The following RIF1 variants were observed in gnomAD, a reference collection of about 807,000 sequenced individuals.
RIF1 encodes the protein replication timing regulatory factor 1, also known as telomere-associated protein RIF1.
RIF1 carries 45 observed loss-of-function variants against 247.1 expected under a neutral mutation model. The ratio of observed to expected loss-of-function variants is 0.18; its 90% CI spans 0.14 to 0.23. RIF1 has a LOEUF of 0.23. RIF1 is among the 10% of genes least tolerant of loss of function. RIF1 has a pLI of 1.00. For missense variants in RIF1, 2,967 were observed against 2,862.5 expected, an observed-to-expected ratio of 1.04 and a Z score of -0.83; for synonymous variants, 1,087 against 978.8, an observed-to-expected ratio of 1.11 and a Z score of -2.06.
intron 21 of RIF1, 55 bp downstream of exon 21, chr2:151,451,760 A>G: frequency 1.1e-6 from 1 of 933,448 alleles, no homozygotes; most frequent in African/African-American, 1.6e-5. Context: ...GCAGTACTGA[A>G]CTTTGCCAGG....
At chr2:151,517,938 T>C in the RIF1 span, among the ~76,000 whole-genome samples, 1 of 152,214 alleles carries the variant, frequency 6.6e-6, no homozygotes, top group Admixed American at 6.5e-5. Context: ...AGAACTGCTT[T>C]CAGTAGTAGA....
At chr2:151,446,377 A>G (rs1217912569) in intron 19 of RIF1, 49 bp from the exon 20 acceptor site, 2 of 1,483,078 alleles carry the variant, frequency 1.3e-6, no homozygotes, top group Non-Finnish European at 9.3e-7. Context: ...ATAAACTTTG[A>G]TAGATAGGTA....
At chr2:151,497,264 T>C in intron 10 of RIF1, 1 of 911,488 alleles carries the variant, frequency 1.1e-6, no homozygotes, top group Non-Finnish European at 1.3e-6. Context: ...GGAAAGGCTG[T>C]CAGAGTTATC....
Position 151,427,058 on chromosome 2 carries a change from T to A in RIF1, c.787-1726T>A, listed in dbSNP as rs13415076. 1.0e-2 allele frequency among the ~76,000 whole-genome samples: 1,522 copies of A among 152,290 alleles called. 33 individuals carry two copies. The highest frequency in any genetic ancestry group is 0.035 in the African/African-American group (1,448 of 41,566). On this transcript the variant is annotated intron_variant, in intron 8 of 35. Transcript: ENST00000444746. ...CTTTAGCTCTTATAGCTAACTTGTG[T>A]GTTTTTTATTTTCTAAACCTTTTTT...
Position 151,476,737 on chromosome 2 carries a change from A to C in RIF1, c.*1666A>C, listed in dbSNP as rs1008737031. The C allele has an allele frequency of 5.3e-5, 8 of 152,184 alleles. No homozygotes were observed. The highest frequency in any genetic ancestry group is 3.9e-4 in the Admixed American group (6 of 15,274). The allele number at this position is 152,184 out of a possible 1,614,324, so 9.4% of individuals were successfully genotyped here. A position where few individuals can be genotyped will look rare whatever the true frequency, so the allele number is the denominator to read the frequency against. Reference sequence around the variant, plus strand: ...GAAAAATACTAATTTCCTTAAAAGGAATTATAATTATGATTTACATTTTAC... The same window carrying C: ...GAAAAATACTAATTTCCTTAAAAGGCATTATAATTATGATTTACATTTTAC... On this transcript the variant is annotated 3_prime_UTR_variant, in exon 36 of 36. Coordinates refer to ENST00000444746, the MANE Select transcript of RIF1 (RefSeq NM_018151.5).
intron 7 of RIF1, 41 bp from the exon 8 acceptor site, chr2:151,422,909 T>C (rs748790410): frequency 4.7e-6 from 5 of 1,057,756 alleles, no homozygotes; most frequent in African/African-American, 3.2e-5. Context: ...GATTTTTTTT[T>C]CTAAGAGTCT....
Position 151,465,127 on chromosome 2 carries a change from GA to G in RIF1, c.5612del (p.Asn1871MetfsTer22). On this transcript the variant is annotated frameshift_variant, in exon 30 of 36. Transcript: ENST00000444746. LOFTEE classifies it high-confidence loss of function. ...KTVGPCLGDS[K>X]NVSQESLETK... is the part of the protein sequence containing the mutation. ...CTGTTGGCCCGTGTTTAGGAGACTC[GA>G]AAAATGTTTCACAGGAATCTTTGGA... 1 of 1,612,788 alleles carries G rather than the reference GA, an allele frequency of 6.2e-7. No homozygotes were observed. Among genetic ancestry groups the G allele is most frequent in the Non-Finnish European group, 8.5e-7 (1 of 1,179,754 alleles).
chr2:151,437,162 C>A, intron 12 of RIF1, 79 bp from the exon 13 acceptor site: 1 of 1,258,210 alleles, frequency 7.9e-7, no homozygotes, highest in Non-Finnish European at 1.1e-6. Context: ...ACTTAATAGA[C>A]ATTTTAAAGT....
At chr2:151,431,879 T>C (rs1318844936) in intron 9 of RIF1, among the ~76,000 whole-genome samples, 3 of 152,380 alleles carry the variant, frequency 2.0e-5, no homozygotes, top group Admixed American at 6.5e-5. Flanking sequence ...CATACAGTGA[T>C]AGCCTTTATT....
At chr2:151,490,156 T>C (rs1310756011) in intron 9 of RIF1, 1 of 1,248,776 alleles carries the variant, frequency 8.0e-7, no homozygotes, top group African/African-American at 1.5e-5. Context: ...AGCTGAGTGA[T>C]GTCTTTTTCC....
chr2:151,416,865 CTGT>C lies in RIF1; in HGVS notation c.473_475del (p.Val158del), dbSNP rs1415827190. 3.1e-6 allele frequency: 5 copies of C among 1,612,388 alleles called. No homozygotes were observed. Among genetic ancestry groups the C allele is most frequent in the Non-Finnish European group, 4.2e-6 (5 of 1,178,992 alleles). ...TTTAACAAAGGAGAGACGCATTCTGCTGTTGTTGATTTTGAAGCATTAAATGTT... is the reference window on the plus strand; with the variant it reads ...TTTAACAAAGGAGAGACGCATTCTGCTGTTGATTTTGAAGCATTAAATGTT... On this transcript the variant is annotated inframe_deletion, in exon 6 of 36. Transcript: ENST00000444746.
the RIF1 span, among the ~76,000 whole-genome samples, chr2:151,516,936 T>G: frequency 6.6e-6 from 1 of 152,202 alleles, no homozygotes; most frequent in African/African-American, 2.4e-5. Context: ...TTAATGCTAT[T>G]AGCATTAATC....
chr2:151,509,613 G>T (rs1326977045), downstream of RIF1, among the ~76,000 whole-genome samples: 2 of 148,708 alleles, frequency 1.3e-5, no homozygotes, highest in African/African-American at 4.9e-5. Flanking sequence ...AGGAAGAGAG[G>T]TTTTTTTTTT....
At chr2:151,460,655 G>A (rs1695997719) in intron 26 of RIF1, among the ~76,000 whole-genome samples, 1 of 152,138 alleles carries the variant, frequency 6.6e-6, no homozygotes, top group African/African-American at 2.4e-5. Flanking sequence ...AAAGAAAAGT[G>A]TTATTTTTTA....
the RIF1 span, chr2:151,527,516 G>T: frequency 1.2e-6 from 2 of 1,613,372 alleles, no homozygotes; most frequent in African/African-American, 2.7e-5. Flanking sequence ...GCAGCCTGGA[G>T]GAAGTCCGGT....
Position 151,465,182 on chromosome 2 carries a change from C to T in RIF1, c.5662C>T (p.Pro1888Ser). ...ETKEEKPEET[P>S]KMELSLENVT... ...AAAAGAAGAAAAACCAGAAGAAACCCCAAAAATGGAACTGAGTCTAGAGAA... is the reference window on the plus strand; with the variant it reads ...AAAAGAAGAAAAACCAGAAGAAACCTCAAAAATGGAACTGAGTCTAGAGAA... Residue 1888 changes from proline to serine, a missense_variant, in exon 30 of 36, where the codon CCA becomes TCA. Physicochemically the swap from Pro to Ser is moderately conservative, Grantham distance 74. This residue lies in a region of RIF1 where 2,028 missense variants were observed against 1,825.6 expected (regional missense o/e 1.11). Transcript: ENST00000444746. The T allele has an allele frequency of 6.2e-7, 1 of 1,612,990 alleles. No individual in the cohort carries two copies. The highest frequency in any genetic ancestry group is 8.5e-7 in the Non-Finnish European group (1 of 1,179,764).
intron 10 of RIF1, chr2:151,496,196 A>T: frequency 2.2e-6 from 3 of 1,366,612 alleles, no homozygotes; most frequent in Non-Finnish European, 3.0e-6. Flanking sequence ...TTTAAAAAGT[A>T]GGATTAATAT....
chr2:151,451,364 G>A (rs117129126), intron 20 of RIF1, among the ~76,000 whole-genome samples: 2 of 152,276 alleles, frequency 1.3e-5, no homozygotes, highest in East Asian at 3.9e-4. Context: ...GTAGTAGGCT[G>A]TATCATCTAG....
chr2:151,419,288 A>G lies in RIF1; in HGVS notation c.504-902A>G, dbSNP rs555036228. On this transcript the variant is annotated intron_variant, in intron 6 of 35. Coordinates refer to ENST00000444746, the MANE Select transcript of RIF1 (RefSeq NM_018151.5). The stretch of plus-strand genomic sequence containing the variant: ...AATGATAAAAATTATAGTGTAGTAT[A>G]TACATAAACCAGTAACTTAGTCATT... 7.2e-5 allele frequency among the ~76,000 whole-genome samples: 11 copies of G among 152,260 alleles called. No individual in the cohort carries two copies. In the South Asian group the frequency reaches 2.1e-3, roughly 29 times the overall value.
Sources: allele counts gnomAD v4.1 joint callset (sites outside exome capture counted in the v4.1 genomes callset), GRCh38; gene constraint gnomAD v4.1.1; regional missense constraint gnomAD v4.1.1; transcripts MANE v1.5; gene names NCBI Gene and HGNC (gene_info 2026-07-23, HGNC 2026-07-21).